GRM7: variants seen among roughly 807,000 people sequenced by gnomAD.
The protein encoded by GRM7 is glutamate metabotropic receptor 7.
In GRM7, 35 loss-of-function variants were observed where a neutral mutation model predicts 84.5. The observed-to-expected ratio is 0.41, with a 90% CI of 0.32 to 0.55. The LOEUF (loss-of-function observed/expected upper bound fraction) is 0.55. Among genes scored for constraint, GRM7 ranks in the 20% least tolerant of loss-of-function variants. The pLI, the probability that GRM7 is intolerant of heterozygous loss-of-function variation, is 0.19. For synonymous variants in GRM7, 487 were observed against 455.1 expected (o/e 1.07, Z -0.89); for missense variants, 1,003 against 1,194.6 (o/e 0.84, Z 2.36).
intron 4 of GRM7, among the ~76,000 whole-genome samples, chr3:7,315,684 C>T (rs533798964): frequency 1.6e-3 from 238 of 152,318 alleles, no homozygotes; most frequent in African/African-American, 5.4e-3. Context: ...GTTCTCAGGG[C>T]CACTGCTAAG....
At chr3:7,663,094 G>A (rs1235948893) in intron 8 of GRM7, among the ~76,000 whole-genome samples, 1 of 152,136 alleles carries the variant, frequency 6.6e-6, no homozygotes, top group East Asian at 1.9e-4. Context: ...TGCCCATGAG[G>A]GTTCTAAGTG....
intron 1 of GRM7, among the ~76,000 whole-genome samples, chr3:7,138,001 C>T (rs1326430449): frequency 6.6e-6 from 1 of 151,938 alleles, no homozygotes; most frequent in Non-Finnish European, 1.5e-5. Flanking sequence ...TTTCGTAAGA[C>T]ATCCAAGTGC....
At chr3:7,736,459 A>G (rs1481051852) in intron 9 of GRM7, among the ~76,000 whole-genome samples, 1 of 152,208 alleles carries the variant, frequency 6.6e-6, no homozygotes, top group Non-Finnish European at 1.5e-5. Context: ...AGAAAGCTAT[A>G]TAGTTACTAT....
chr3:6,885,459 T>C (rs1355520985), intron 1 of GRM7, among the ~76,000 whole-genome samples: 2 of 152,160 alleles, frequency 1.3e-5, no homozygotes, highest in Non-Finnish European at 2.9e-5. Flanking sequence ...GCCATGGCAA[T>C]GATAAACCAA....
At chr3:7,013,262 A>G (rs1559383955) in intron 1 of GRM7, among the ~76,000 whole-genome samples, 2 of 152,024 alleles carry the variant, frequency 1.3e-5, no homozygotes, top group African/African-American at 4.8e-5. Context: ...TTAATCTGTC[A>G]TTTTTTATAA....
At position 7,017,525 on chromosome 3, in the gene GRM7, G is replaced by A. The variant is rs544722077; in HGVS notation, c.520-128927G>A. Among the ~76,000 whole-genome samples the A allele has an allele frequency of 2.5e-4, 38 of 152,322 alleles. 1 individual carries two copies. In the South Asian group the frequency reaches 7.9e-3, roughly 32 times the overall value. On this transcript the variant is annotated intron_variant, in intron 1 of 9. Transcript: ENST00000357716. ...AGTTTATAGTCTTAGATGCTCAGAAGTAAGTATGTAAAAAGTAATGCTGTG... is the reference window on the plus strand; with the variant it reads ...AGTTTATAGTCTTAGATGCTCAGAAATAAGTATGTAAAAAGTAATGCTGTG...
intron 2 of GRM7, among the ~76,000 whole-genome samples, chr3:7,244,541 A>G (rs532682300): frequency 6.6e-6 from 1 of 152,192 alleles, no homozygotes; most frequent in South Asian, 2.1e-4. Context: ...AATCCCACCA[A>G]GTTAGAAGGA....
At chr3:7,277,536 G>A (rs1699116985) in intron 2 of GRM7, among the ~76,000 whole-genome samples, 1 of 151,990 alleles carries the variant, frequency 6.6e-6, no homozygotes, top group Non-Finnish European at 1.5e-5. Flanking sequence ...TAATAACTGT[G>A]CAGTATACCC....
chr3:7,625,137 C>T (rs1697546520), intron 8 of GRM7, among the ~76,000 whole-genome samples: 1 of 152,120 alleles, frequency 6.6e-6, no homozygotes, highest in African/African-American at 2.4e-5. Context: ...TCACAATTGG[C>T]CCCTTAGATC....
At chr3:7,410,634 C>A (rs1215175655) in intron 4 of GRM7, among the ~76,000 whole-genome samples, 1 of 147,210 alleles carries the variant, frequency 6.8e-6, no homozygotes, top group East Asian at 2.0e-4. Flanking sequence ...CAAATACACA[C>A]ATACACACAA....
At chr3:7,448,623 A>G (rs567165162) in intron 5 of GRM7, among the ~76,000 whole-genome samples, 1 of 152,244 alleles carries the variant, frequency 6.6e-6, no homozygotes, top group South Asian at 2.1e-4. Flanking sequence ...TCCTTTTTAT[A>G]AAACATAAAC....
chr3:7,489,097 A>G (rs1458275365), intron 7 of GRM7, among the ~76,000 whole-genome samples: 1 of 152,142 alleles, frequency 6.6e-6, no homozygotes, highest in African/African-American at 2.4e-5. Flanking sequence ...TGAGGGAGAT[A>G]CATCTACCCT....
At chr3:7,569,388 G>T (rs934117698) in intron 7 of GRM7, among the ~76,000 whole-genome samples, 3 of 152,076 alleles carry the variant, frequency 2.0e-5, no homozygotes, top group Non-Finnish European at 2.9e-5. Flanking sequence ...TCTGTATCTA[G>T]CTAATCTAGT....
chr3:6,945,400 T>C (rs1345379891), intron 1 of GRM7, among the ~76,000 whole-genome samples: 3 of 152,136 alleles, frequency 2.0e-5, no homozygotes, highest in Non-Finnish European at 4.4e-5. Context: ...ACTCATCATT[T>C]TTTATGGCTG....
intron 4 of GRM7, among the ~76,000 whole-genome samples, chr3:7,391,406 G>A (rs537643880): frequency 6.6e-6 from 1 of 152,244 alleles, no homozygotes; most frequent in Non-Finnish European, 1.5e-5. Context: ...CATGTACTTT[G>A]TAGGGACATG....
intron 8 of GRM7, among the ~76,000 whole-genome samples, chr3:7,647,449 G>C (rs1173806095): frequency 2.0e-5 from 3 of 152,170 alleles, no homozygotes; most frequent in Non-Finnish European, 4.4e-5. Flanking sequence ...GGTATACTAG[G>C]ACAGAGCAGG....
chr3:7,467,797 A>G (rs1041731162), intron 7 of GRM7, among the ~76,000 whole-genome samples: 3 of 152,212 alleles, frequency 2.0e-5, no homozygotes, highest in African/African-American at 7.2e-5. Flanking sequence ...TCACCATAGT[A>G]ATCAAAAATG....
chr3:7,519,612 A>T (rs1249113105), intron 7 of GRM7: 1 of 152,200 alleles, frequency 6.6e-6, no homozygotes, highest in South Asian at 2.1e-4. Context: ...ATTTTTGATG[A>T]TCTCAAAATA....
At chr3:7,064,192 T>C (rs1559415067) in intron 1 of GRM7, among the ~76,000 whole-genome samples, 1 of 151,064 alleles carries the variant, frequency 6.6e-6, no homozygotes, top group Non-Finnish European at 1.5e-5. Flanking sequence ...CTATCACCCA[T>C]CTATACACTA....
Sources: allele counts gnomAD v4.1 joint callset (sites outside exome capture counted in the v4.1 genomes callset), GRCh38; gene constraint gnomAD v4.1.1; transcripts MANE v1.5; gene names NCBI Gene and HGNC (gene_info 2026-07-23, HGNC 2026-07-21).